Variants in HSD17B2 observed in about 807,000 individuals in gnomAD.
HSD17B2 encodes 17-beta-hydroxysteroid dehydrogenase type 2.
A neutral mutation model predicts 26.9 loss-of-function variants in HSD17B2; 32 were observed. The observed-to-expected ratio is 1.19, with a 90% confidence interval of 0.90 to 1.60. The LOEUF is 1.60. Among genes scored for constraint, HSD17B2 ranks in the 40% most tolerant of loss-of-function variants. HSD17B2 has a pLI of 0.00. For missense variants in HSD17B2, 613 were observed against 468.6 expected (o/e 1.31, Z -2.85); for synonymous variants, 246 against 186.7 (o/e 1.32, Z -2.59).
At chr16:82,057,228 C>T (rs555151530) in intron 1 of HSD17B2, among the ~76,000 whole-genome samples, 12 of 150,884 alleles carry the variant, frequency 8.0e-5, no homozygotes, top group Non-Finnish European at 1.6e-4. Context: ...GAGAGAGAGT[C>T]CCCCTCCGTC....
chr16:82,065,516 G>C (rs1418308239), intron 1 of HSD17B2, among the ~76,000 whole-genome samples: 2 of 152,152 alleles, frequency 1.3e-5, no homozygotes, highest in East Asian at 1.9e-4. Flanking sequence ...CCAATAATAA[G>C]GCAGAAGCAT....
intron 1 of HSD17B2, among the ~76,000 whole-genome samples, chr16:82,048,405 C>A (rs8061420): frequency 6.6e-6 from 1 of 151,890 alleles, no homozygotes; most frequent in Non-Finnish European, 1.5e-5. Flanking sequence ...CAGGAAAGGG[C>A]ACAGGAAGGA....
At chr16:82,066,550 G>A (rs1914577084) in intron 1 of HSD17B2, among the ~76,000 whole-genome samples, 1 of 151,962 alleles carries the variant, frequency 6.6e-6, no homozygotes, top group Admixed American at 6.6e-5. Context: ...GTACTTTTTT[G>A]TAGCAAAAAT....
chr16:82,085,510 C>G (rs1597137733), intron 3 of HSD17B2, among the ~76,000 whole-genome samples: 1 of 152,092 alleles, frequency 6.6e-6, no homozygotes, highest in African/African-American at 2.4e-5. Context: ...CTGTTTTACT[C>G]CAAGTACTAT....
At chr16:82,085,348 T>A (rs1904496253) in intron 3 of HSD17B2, among the ~76,000 whole-genome samples, 1 of 152,190 alleles carries the variant, frequency 6.6e-6, no homozygotes, top group South Asian at 2.1e-4. Flanking sequence ...GTGAACCTCC[T>A]CATGCTGGGT....
chr16:82,045,549 T>C (rs988983773), intron 1 of HSD17B2, among the ~76,000 whole-genome samples: 19 of 152,214 alleles, frequency 1.2e-4, no homozygotes, highest in Non-Finnish European at 2.4e-4. Flanking sequence ...AGTTCAGTAA[T>C]CCCCTTGGCA....
chr16:82,092,560 T>A (rs1285814251), intron 4 of HSD17B2: 1 of 152,172 alleles, frequency 6.6e-6, no homozygotes, highest in East Asian at 1.9e-4. Context: ...ACTTGATAGC[T>A]GAGAACCTCC....
intron 4 of HSD17B2, chr16:82,094,611 G>A (rs930845169): frequency 1.3e-5 from 2 of 152,192 alleles, no homozygotes; most frequent in African/African-American, 4.8e-5. Flanking sequence ...AAGCCCAAGA[G>A]CAGAAGGCTG....
chr16:82,062,370 G>C (rs1321206681), intron 1 of HSD17B2, among the ~76,000 whole-genome samples: 1 of 152,168 alleles, frequency 6.6e-6, no homozygotes, highest in Non-Finnish European at 1.5e-5. Flanking sequence ...CTTACTATGA[G>C]TCAGGTGCCC....
At chr16:82,048,500 A>G (rs1914005648) in intron 1 of HSD17B2, among the ~76,000 whole-genome samples, 1 of 152,148 alleles carries the variant, frequency 6.6e-6, no homozygotes, top group Non-Finnish European at 1.5e-5. Flanking sequence ...GAAGGAGAAG[A>G]TGGGGAATTA....
intron 1 of HSD17B2, among the ~76,000 whole-genome samples, chr16:82,042,372 C>T (rs185352771): frequency 1.1e-3 from 165 of 152,134 alleles, no homozygotes; most frequent in African/African-American, 1.1e-3. Flanking sequence ...GGATGACAGG[C>T]GTGAGCCAGA....
At chr16:82,077,913 A>C (rs1014695508) in intron 3 of HSD17B2, among the ~76,000 whole-genome samples, 9 of 152,234 alleles carry the variant, frequency 5.9e-5, no homozygotes, top group African/African-American at 1.9e-4. Context: ...TTCGATACTT[A>C]AATCTAAGAC....
At chr16:82,045,534 TTTCC>T (rs1913899677) in intron 1 of HSD17B2, among the ~76,000 whole-genome samples, 1 of 152,252 alleles carries the variant, frequency 6.6e-6, no homozygotes, top group Admixed American at 6.5e-5. Flanking sequence ...TTTTCTATCT[TTTCC>T]AGTTCAGTAA....
At chr16:82,036,361 T>TGTGC (rs1913626235) in intron 1 of HSD17B2, among the ~76,000 whole-genome samples, 1 of 148,622 alleles carries the variant, frequency 6.7e-6, no homozygotes, top group African/African-American at 2.5e-5. Flanking sequence ...TGTGTGTGTG[T>TGTGC]GTTTCCCCAT....
chr16:82,087,359 G>A (rs1904557048), intron 3 of HSD17B2, among the ~76,000 whole-genome samples: 1 of 152,066 alleles, frequency 6.6e-6, no homozygotes, highest in Admixed American at 6.6e-5. Context: ...GACAATGAAG[G>A]GTTACATAAC....
intron 3 of HSD17B2, among the ~76,000 whole-genome samples, chr16:82,082,903 G>C (rs1323430771): frequency 6.6e-6 from 1 of 152,078 alleles, no homozygotes; most frequent in Non-Finnish European, 1.5e-5. Flanking sequence ...TCAGTGACTG[G>C]CCTGTAAGCT....
intron 4 of HSD17B2, chr16:82,094,878 G>C (rs767001557): frequency 4.6e-5 from 7 of 152,222 alleles, no homozygotes; most frequent in Non-Finnish European, 8.8e-5. Flanking sequence ...ATCTTGCAGT[G>C]AGAAAATGGA....
chr16:82,068,899 C>G (rs945750077), intron 2 of HSD17B2, among the ~76,000 whole-genome samples: 7 of 152,134 alleles, frequency 4.6e-5, no homozygotes, highest in Non-Finnish European at 1.0e-4. Context: ...CCTGAAGACC[C>G]AGGTTTTTTT....
chr16:82,093,170 A>C (rs1346069593), intron 4 of HSD17B2: 2 of 152,204 alleles, frequency 1.3e-5, no homozygotes, highest in Non-Finnish European at 2.9e-5. Flanking sequence ...CAGATCAAAA[A>C]ATAAAACATT....
Sources: gnomAD v4.1 joint callset for allele counts (sites outside exome capture counted in the v4.1 genomes callset) on GRCh38, gnomAD v4.1.1 for gene constraint, MANE v1.5 for transcripts, NCBI Gene and HGNC (gene_info 2026-07-23, HGNC 2026-07-21) for gene names.